MYRFL: variants seen among roughly 807,000 people sequenced by gnomAD.
MYRFL encodes the protein myelin regulatory factor-like protein.
MYRFL carries 88 observed loss-of-function variants against 109.4 expected under a neutral mutation model. The observed-to-expected ratio is 0.80, with a 90% CI of 0.68 to 0.96. MYRFL has a LOEUF of 0.96. Ranked by LOEUF, MYRFL falls within the 40% of genes least tolerant of loss-of-function variation. MYRFL has a pLI of 0.00. For missense variants in MYRFL, 957 were observed against 954.9 expected, an observed-to-expected ratio of 1.00 and a Z score of -0.03; for synonymous variants, 324 against 320.9, an observed-to-expected ratio of 1.01 and a Z score of -0.10.
At chr12:69,882,246 A>G (rs960887785) in intron 5 of MYRFL, among the ~76,000 whole-genome samples, 1 of 152,160 alleles carries the variant, frequency 6.6e-6, no homozygotes, top group Non-Finnish European at 1.5e-5. Flanking sequence ...ACTAAAGATA[A>G]CTGATTCCAG....
At chr12:69,903,910 G>T in intron 11 of MYRFL, 66 bp downstream of exon 11, 1 of 1,393,010 alleles carries the variant, frequency 7.2e-7, no homozygotes, top group Non-Finnish European at 9.5e-7. Context: ...GGGTGCTCCT[G>T]GCCTCTGACA....
At chr12:69,902,643 A>G (rs1260254260) in intron 10 of MYRFL, among the ~76,000 whole-genome samples, 1 of 152,218 alleles carries the variant, frequency 6.6e-6, no homozygotes, top group East Asian at 1.9e-4. Context: ...GCCTGCCTCA[A>G]TCATAAAAAT....
At chr12:69,915,945 A>G (rs1451712570) in intron 13 of MYRFL, among the ~76,000 whole-genome samples, 1 of 152,128 alleles carries the variant, frequency 6.6e-6, no homozygotes, top group Non-Finnish European at 1.5e-5. Flanking sequence ...GTACTGCCTT[A>G]AAGTAATTCA....
At chr12:69,927,445 G>T (rs1296846920) in intron 14 of MYRFL, among the ~76,000 whole-genome samples, 2 of 151,800 alleles carry the variant, frequency 1.3e-5, no homozygotes, top group South Asian at 4.2e-4. Context: ...GAAGGTTAAT[G>T]CACATTTCCT....
At chr12:69,832,425 A>T (rs1180887994) in intron 1 of MYRFL, among the ~76,000 whole-genome samples, 1 of 152,186 alleles carries the variant, frequency 6.6e-6, no homozygotes, top group Non-Finnish European at 1.5e-5. Flanking sequence ...AGATGAAGGG[A>T]GAAGACGATA....
chr12:69,940,281 A>T (rs966036764), intron 19 of MYRFL, among the ~76,000 whole-genome samples: 2 of 150,706 alleles, frequency 1.3e-5, no homozygotes, highest in African/African-American at 4.9e-5. Flanking sequence ...TGAAGGAAAA[A>T]ATGTTAAGGG....
chr12:69,889,687 T>C (rs907813427), intron 6 of MYRFL, among the ~76,000 whole-genome samples: 2 of 151,964 alleles, frequency 1.3e-5, no homozygotes, highest in African/African-American at 4.8e-5. Flanking sequence ...AACCCCATCT[T>C]TACTAAAAAA....
At chr12:69,827,126 C>G (rs1882330267) in intron 1 of MYRFL, among the ~76,000 whole-genome samples, 1 of 151,970 alleles carries the variant, frequency 6.6e-6, no homozygotes, top group African/African-American at 2.4e-5. Flanking sequence ...TGTTTCTAAT[C>G]AAACACCATC....
At position 69,825,571 on chromosome 12, in the gene MYRFL, G is replaced by A. The variant is rs1394028484; in HGVS notation, c.46+8G>A. On this transcript the variant is annotated splice_region_variant and intron_variant, in intron 1 of 24. Transcript: ENST00000552032. The stretch of plus-strand genomic sequence containing the variant: ...TGCAGCAGTTCTTTGAAGGTAAGAG[G>A]CCAATTTCCAGCATGAATTTGCTGC... 26 of 701,308 alleles carry A rather than the reference G, an allele frequency of 3.7e-5. No homozygotes were observed. In the East Asian group the frequency reaches 6.2e-4, roughly 17 times the overall value. 43.4% of individuals were successfully genotyped at this position (701,308 alleles called of 1,614,324 possible). A position where few individuals can be genotyped will look rare whatever the true frequency, so the allele number is the denominator to read the frequency against.
chr12:69,953,772 C>CACAT (rs1426287862), intron 21 of MYRFL, among the ~76,000 whole-genome samples: 62 of 151,554 alleles, frequency 4.1e-4, no homozygotes, highest in Non-Finnish European at 4.4e-5. Flanking sequence ...CGGACACACA[C>CACAT]ACACACACAC....
At chr12:69,928,320 A>G (rs1343625316) in intron 15 of MYRFL, among the ~76,000 whole-genome samples, 1 of 152,246 alleles carries the variant, frequency 6.6e-6, no homozygotes, top group Non-Finnish European at 1.5e-5. Context: ...CTCCATCACG[A>G]GAAATATCAG....
At chr12:69,914,366 T>TAAAC (rs1248961382) in intron 13 of MYRFL, among the ~76,000 whole-genome samples, 1 of 152,128 alleles carries the variant, frequency 6.6e-6, no homozygotes, top group Non-Finnish European at 1.5e-5. Context: ...GAAAGGAGTA[T>TAAAC]AAACACAGCT....
At chr12:69,836,790 G>A (rs957687662) in intron 1 of MYRFL, among the ~76,000 whole-genome samples, 2 of 152,156 alleles carry the variant, frequency 1.3e-5, no homozygotes, top group Admixed American at 6.5e-5. Context: ...CTTTACTGGT[G>A]GTGAGGAGGT....
Position 69,958,937 on chromosome 12 carries a change from C to A in MYRFL, c.*406C>A, listed in dbSNP as rs7979610. Reference sequence around the variant, plus strand: ...GACTTCGGCCCACTAAACATAGACTCTTGAGAATGTGTGATATGGTATGTG... The same window carrying A: ...GACTTCGGCCCACTAAACATAGACTATTGAGAATGTGTGATATGGTATGTG... On this transcript the variant is annotated 3_prime_UTR_variant, in exon 25 of 25. Transcript: ENST00000552032. 1 of 184,044 alleles carries A rather than the reference C, an allele frequency of 5.4e-6. No individual in the cohort carries two copies. Among genetic ancestry groups the A allele is most frequent in the Admixed American group, 5.7e-5 (1 of 17,528 alleles). 11.4% of individuals were successfully genotyped at this position (184,044 alleles called of 1,614,324 possible).
chr12:69,935,086 G>T (rs1206410752), intron 16 of MYRFL, among the ~76,000 whole-genome samples: 1 of 152,136 alleles, frequency 6.6e-6, no homozygotes, highest in Admixed American at 6.5e-5. Context: ...GCATCTTTGG[G>T]GTTCATCATC....
In MYRFL at chr12:69,869,668, G is replaced by A. The variant is rs566209991; in HGVS notation, c.138-9360G>A. 7.8e-4 allele frequency among the ~76,000 whole-genome samples: 119 copies of A among 152,294 alleles called. 1 individual carries two copies. Among genetic ancestry groups the A allele is most frequent in the Admixed American group, 1.4e-3 (21 of 15,286 alleles). On this transcript the variant is annotated intron_variant, in intron 2 of 24. Coordinates refer to ENST00000552032, the MANE Select transcript of MYRFL (RefSeq NM_182530.3). ...TGCAATAGAGCTTTAGAGAAGGGGC[G>A]GTTGGTGTTGTATGAAGGCACCGAG...
chr12:69,936,400 GCCTTTCAGGTTAA>G, intron 18 of MYRFL, 40 bp from the exon 19 acceptor site: 1 of 1,529,070 alleles, frequency 6.5e-7, no homozygotes, highest in Non-Finnish European at 8.8e-7. Flanking sequence ...GAAGAAACCA[GCCTTTCAGGTTAA>G]CCTTCTTGCT....
chr12:69,957,752 T>C (rs1017569841), intron 22 of MYRFL, 70 bp from the exon 23 acceptor site: 7 of 1,455,212 alleles, frequency 4.8e-6, no homozygotes, highest in African/African-American at 4.2e-5. Context: ...CCTCCTCTTA[T>C]CAAGATGTAT....
At chr12:69,890,885 G>A in intron 6 of MYRFL, 86 bp from the exon 7 acceptor site, 2 of 1,039,822 alleles carry the variant, frequency 1.9e-6, no homozygotes, top group Non-Finnish European at 2.5e-6. Flanking sequence ...ACGTTTTCTT[G>A]AAATGTTTAT....
Sources: allele counts gnomAD v4.1 joint callset (sites outside exome capture counted in the v4.1 genomes callset), GRCh38; gene constraint gnomAD v4.1.1; transcripts MANE v1.5; gene names NCBI Gene and HGNC (gene_info 2026-07-23, HGNC 2026-07-21).